Variants in WFDC11 observed in about 807,000 individuals in gnomAD.
The protein encoded by WFDC11 is WAP four-disulfide core domain 11.
In WFDC11, 9 loss-of-function variants were observed where a neutral mutation model predicts 9.9. The observed-to-expected ratio is 0.91, with a 90% CI of 0.55 to 1.58. The LOEUF is 1.58. Ranked by LOEUF, WFDC11 falls within the 40% of genes most tolerant of loss-of-function variation. The pLI, the probability that WFDC11 is intolerant of heterozygous loss-of-function variation, is 0.00. For synonymous variants in WFDC11, 32 were observed against 33.3 expected (o/e 0.96, Z 0.13); for missense variants, 106 against 101.7 (o/e 1.04, Z -0.18).
At chr20:45,661,611 G>A (rs1983067422) in intron 2 of WFDC11, among the ~76,000 whole-genome samples, 1 of 152,132 alleles carries the variant, frequency 6.6e-6, no homozygotes, top group African/African-American at 2.4e-5. Flanking sequence ...GTAAGGAAGG[G>A]ATCCAGTTTC....
intron 2 of WFDC11, among the ~76,000 whole-genome samples, chr20:45,661,213 T>C (rs1419142541): frequency 6.6e-6 from 1 of 152,218 alleles, no homozygotes; most frequent in Non-Finnish European, 1.5e-5. Context: ...CATAAATGTC[T>C]TCTTTTGAGA....
At chr20:45,649,177 T>C in intron 4 of WFDC11, 80 bp downstream of exon 4, 1 of 1,545,812 alleles carries the variant, frequency 6.5e-7, no homozygotes, top group Non-Finnish European at 8.8e-7. Flanking sequence ...ACCTCAGTCT[T>C]CTGTTTAGGA....
intron 2 of WFDC11, among the ~76,000 whole-genome samples, chr20:45,659,583 G>A (rs772990721): frequency 4.1e-4 from 63 of 152,094 alleles, no homozygotes; most frequent in Non-Finnish European, 8.2e-4. Flanking sequence ...TTGTAAATGT[G>A]TTTAAGTTCT....
intron 2 of WFDC11, among the ~76,000 whole-genome samples, chr20:45,656,357 T>C (rs1427172184): frequency 2.0e-5 from 3 of 152,158 alleles, no homozygotes; most frequent in African/African-American, 7.2e-5. Flanking sequence ...ATTTAATAAA[T>C]GGTGCTGGGA....
chr20:45,651,259 G>A (rs2145615427), intron 2 of WFDC11, among the ~76,000 whole-genome samples: 1 of 152,324 alleles, frequency 6.6e-6, no homozygotes, highest in East Asian at 1.9e-4. Flanking sequence ...TATATATAGA[G>A]AGGGTCCTTA....
chr20:45,665,295 T>G (rs1396014004), intron 2 of WFDC11, among the ~76,000 whole-genome samples: 1 of 152,244 alleles, frequency 6.6e-6, no homozygotes, highest in Non-Finnish European at 1.5e-5. Flanking sequence ...CTACACTGTT[T>G]ATTCTGGTTA....
At chr20:45,656,834 G>A (rs936823653) in intron 2 of WFDC11, among the ~76,000 whole-genome samples, 7 of 152,200 alleles carry the variant, frequency 4.6e-5, no homozygotes, top group African/African-American at 1.7e-4. Flanking sequence ...ATGAAAAGAT[G>A]CTCATCACCA....
intron 2 of WFDC11, among the ~76,000 whole-genome samples, chr20:45,653,387 T>G (rs1198957336): frequency 6.6e-6 from 1 of 151,900 alleles, no homozygotes; most frequent in Non-Finnish European, 1.5e-5. Context: ...CTGAGAGATT[T>G]TATAACCACC....
At chr20:45,662,091 C>T (rs1396175770) in intron 2 of WFDC11, among the ~76,000 whole-genome samples, 1 of 152,034 alleles carries the variant, frequency 6.6e-6, no homozygotes, top group Non-Finnish European at 1.5e-5. Context: ...TCTTTTATTT[C>T]ATTGAGCAGT....
At position 45,650,502 on chromosome 20, in the gene WFDC11, G is replaced by A. The variant is rs757085529; in HGVS notation, c.99C>T (p.Asp33=). The A allele has an allele frequency of 3.7e-6, 6 of 1,613,232 alleles. No homozygotes were observed. The highest frequency in any genetic ancestry group is 1.7e-5 in the Admixed American group (1 of 59,956). The change falls in exon 3 of 5, where the codon GAC becomes GAT. Residue 33 remains aspartate, a splice_region_variant and synonymous_variant. Transcript: ENST00000324384. ...CCCTAATCCAGCCTCACCACCTACT[G>A]TCATATCTTTTCTTCCTCATTTCTC... is the stretch of plus-strand genomic sequence containing the variant. ...VLGEMRKKRY[D]RKELLLEECW... is the part of the protein sequence containing the mutation.
At position 45,663,589 on chromosome 20, in the gene WFDC11, C is replaced by CTGCTTAAAATGTG. The variant is rs1363551023; in HGVS notation, c.-52+3486_-52+3498dup. On this transcript the variant is annotated intron_variant, in intron 2 of 4. Transcript: ENST00000324384. ...AGTGCTATAAATTTCCCTCTATGCA[C>CTGCTTAAAATGTG]TGCTTAAAATGTGTCCCAGAGATTC... Among the ~76,000 whole-genome samples, 3 of 152,332 alleles carry CTGCTTAAAATGTG rather than the reference C, an allele frequency of 2.0e-5. No individual in the cohort carries two copies. The East Asian group carries it at 5.8e-4, about 29-fold the overall frequency.
chr20:45,669,868 TC>T (rs1164525575), intron 1 of WFDC11, among the ~76,000 whole-genome samples: 1 of 151,940 alleles, frequency 6.6e-6, no homozygotes, highest in Non-Finnish European at 1.5e-5. Context: ...ATACAAAAGA[TC>T]CATGAAACCA....
chr20:45,658,432 G>A (rs1382275905), intron 2 of WFDC11, among the ~76,000 whole-genome samples: 1 of 151,956 alleles, frequency 6.6e-6, no homozygotes, highest in East Asian at 1.9e-4. Flanking sequence ...TAAGTTAGGA[G>A]GGTTGTATTT....
At chr20:45,659,462 G>A (rs772953033) in intron 2 of WFDC11, among the ~76,000 whole-genome samples, 1 of 152,228 alleles carries the variant, frequency 6.6e-6, no homozygotes, top group Non-Finnish European at 1.5e-5. Flanking sequence ...CTAATGACCA[G>A]TGATGACGAG....
chr20:45,654,314 C>T (rs1237222970), intron 2 of WFDC11, among the ~76,000 whole-genome samples: 1 of 152,182 alleles, frequency 6.6e-6, no homozygotes, highest in East Asian at 1.9e-4. Context: ...AACTGAACAA[C>T]CTGCTCCTGA....
intron 3 of WFDC11, 102 bp downstream of exon 3, chr20:45,650,399 G>T: frequency 2.3e-6 from 2 of 866,806 alleles, no homozygotes; most frequent in Non-Finnish European, 3.7e-6. Context: ...ATACTACGAA[G>T]GTGGGTCCTG....
intron 1 of WFDC11, among the ~76,000 whole-genome samples, 169 bp downstream of exon 1, chr20:45,670,005 TACAA>T (rs1000884463): frequency 6.6e-6 from 1 of 151,698 alleles, no homozygotes; most frequent in African/African-American, 2.4e-5. Context: ...CCCATAAAAA[TACAA>T]ACAAAAATCA....
intron 2 of WFDC11, among the ~76,000 whole-genome samples, chr20:45,653,866 A>G (rs1219285123): frequency 6.6e-6 from 1 of 152,236 alleles, no homozygotes; most frequent in Non-Finnish European, 1.5e-5. Context: ...GGATCAATTC[A>G]ACAAGAAGAG....
intron 2 of WFDC11, among the ~76,000 whole-genome samples, chr20:45,651,165 T>G (rs539564539): frequency 1.3e-5 from 2 of 152,244 alleles, no homozygotes; most frequent in Non-Finnish European, 2.9e-5. Context: ...GAACATGCAG[T>G]ATTTGGTTTG....
Sources: allele counts gnomAD v4.1 joint callset (sites outside exome capture counted in the v4.1 genomes callset), GRCh38; gene constraint gnomAD v4.1.1; transcripts MANE v1.5; gene names NCBI Gene and HGNC (gene_info 2026-07-23, HGNC 2026-07-21).